CRPPA: variants seen among roughly 807,000 people sequenced by gnomAD.
CRPPA encodes D-ribitol-5-phosphate cytidylyltransferase.
In CRPPA, 43 loss-of-function variants were observed where a neutral mutation model predicts 52.0. The ratio of observed to expected loss-of-function variants is 0.83; its 90% CI spans 0.65 to 1.07. The LOEUF is 1.07. Ranked by LOEUF, CRPPA falls within the 50% of genes least tolerant of loss-of-function variation. CRPPA has a pLI of 0.00. For missense variants in CRPPA, 629 were observed against 551.7 expected (o/e 1.14, Z -1.40); for synonymous variants, 250 against 203.5 (o/e 1.23, Z -1.94).
intron 9 of CRPPA, among the ~76,000 whole-genome samples, chr7:16,139,907 A>G (rs749618119): frequency 6.6e-6 from 1 of 152,134 alleles, no homozygotes; most frequent in Non-Finnish European, 1.5e-5. Context: ...AATCTGCTGC[A>G]AGATGCAGAA....
rs1332223986 is a variant in CRPPA at position 16,088,106 on chromosome 7, G to A, written c.*3589C>T. 1 of 151,882 alleles carries A rather than the reference G, an allele frequency of 6.6e-6. No homozygotes were observed. Among genetic ancestry groups the A allele is most frequent in the Non-Finnish European group, 1.5e-5 (1 of 67,978 alleles). The allele number at this position is 151,882 out of a possible 1,614,324, so 9.4% of individuals were successfully genotyped here. Reference sequence around the variant, plus strand: ...CTTGCAACAAGTCATCTCAAATTGAGCACTTTTATGAAAAAAAATAGGACC... The same window carrying A: ...CTTGCAACAAGTCATCTCAAATTGAACACTTTTATGAAAAAAAATAGGACC... On this transcript the variant is annotated 3_prime_UTR_variant, in exon 10 of 10. Coordinates refer to ENST00000407010, the MANE Select transcript of CRPPA (RefSeq NM_001101426.4).
At chr7:16,222,737 T>A (rs1384418402) in intron 8 of CRPPA, among the ~76,000 whole-genome samples, 2 of 152,284 alleles carry the variant, frequency 1.3e-5, no homozygotes, top group African/African-American at 4.8e-5. Context: ...AGGGCTTTTA[T>A]AGAGACTATT....
Position 16,282,963 on chromosome 7 carries a change from A to G in CRPPA, c.836-4737T>C, listed in dbSNP as rs34468482. 5.6e-3 allele frequency among the ~76,000 whole-genome samples: 856 copies of G among 152,174 alleles called. 6 individuals are homozygous for G. The highest frequency in any genetic ancestry group is 8.6e-3 in the Non-Finnish European group (582 of 67,916). Reference sequence around the variant, plus strand: ...ACATACAAAATCATCATCAATTTCAACTGGTTGCACATCAGAATCAACATA... The same window carrying G: ...ACATACAAAATCATCATCAATTTCAGCTGGTTGCACATCAGAATCAACATA... On this transcript the variant is annotated intron_variant, in intron 5 of 9. Coordinates refer to ENST00000407010, the MANE Select transcript of CRPPA (RefSeq NM_001101426.4).
chr7:16,245,439 G>C (rs1783242961), intron 8 of CRPPA, among the ~76,000 whole-genome samples: 1 of 152,142 alleles, frequency 6.6e-6, no homozygotes, highest in Non-Finnish European at 1.5e-5. Flanking sequence ...GAAGGAAAAA[G>C]GATGAAGCCT....
At chr7:16,329,168 C>G (rs148463098) in intron 3 of CRPPA, among the ~76,000 whole-genome samples, 1 of 152,246 alleles carries the variant, frequency 6.6e-6, no homozygotes, top group East Asian at 1.9e-4. Context: ...ATCCAAGAGG[C>G]AAGTCGGGCT....
intron 9 of CRPPA, among the ~76,000 whole-genome samples, chr7:16,192,259 C>A (rs1781630302): frequency 6.6e-6 from 1 of 152,026 alleles, no homozygotes; most frequent in African/African-American, 2.4e-5. Context: ...TAGTTCACCC[C>A]TTAAGAATAT....
chr7:16,397,446 CAG>C (rs1270531141), intron 2 of CRPPA, among the ~76,000 whole-genome samples: 2 of 152,110 alleles, frequency 1.3e-5, no homozygotes, highest in African/African-American at 4.8e-5. Flanking sequence ...TGTGATGTAA[CAG>C]ACGTGACACG....
chr7:16,276,601 C>T (rs1296184654), intron 6 of CRPPA: 4 of 152,136 alleles, frequency 2.6e-5, no homozygotes, highest in South Asian at 2.1e-4. Flanking sequence ...TTATTCACAT[C>T]GAAGAACTTG....
chr7:16,348,010 C>A (rs1786059010), intron 3 of CRPPA, among the ~76,000 whole-genome samples: 1 of 152,054 alleles, frequency 6.6e-6, no homozygotes, highest in South Asian at 2.1e-4. Flanking sequence ...AAATAGCTCC[C>A]CATTTCTCTC....
chr7:16,115,161 G>A (rs1008818618), intron 9 of CRPPA, among the ~76,000 whole-genome samples: 7 of 152,112 alleles, frequency 4.6e-5, no homozygotes, highest in Admixed American at 2.0e-4. Flanking sequence ...ACTGAAGAGG[G>A]TGGCCCTAAC....
intron 9 of CRPPA, among the ~76,000 whole-genome samples, chr7:16,199,847 G>C (rs1781810783): frequency 6.8e-6 from 1 of 147,874 alleles, no homozygotes. Flanking sequence ...AGATCTGTAA[G>C]CTTTTTCTTT....
At chr7:16,258,095 ACAAC>A (rs932256563) in intron 8 of CRPPA, among the ~76,000 whole-genome samples, 1 of 152,050 alleles carries the variant, frequency 6.6e-6, no homozygotes, top group African/African-American at 2.4e-5. Flanking sequence ...ACATATCCAA[ACAAC>A]CAGTTGACTT....
intron 8 of CRPPA, among the ~76,000 whole-genome samples, chr7:16,232,927 CA>C (rs1198634261): frequency 1.3e-5 from 2 of 152,184 alleles, no homozygotes; most frequent in East Asian, 3.9e-4. Flanking sequence ...AACATTAAAA[CA>C]GTTATTAAAA....
At chr7:16,342,790 T>TACATAG (rs1554335244) in intron 3 of CRPPA, among the ~76,000 whole-genome samples, 2 of 33,524 alleles carry the variant, frequency 6.0e-5, no homozygotes, top group Non-Finnish European at 1.3e-4. Context: ...AAAATATATA[T>TACATAG]ATATATATCT....
intron 9 of CRPPA, among the ~76,000 whole-genome samples, chr7:16,178,498 C>T (rs1239484363): frequency 6.6e-6 from 1 of 152,022 alleles, no homozygotes; most frequent in Non-Finnish European, 1.5e-5. Context: ...TGGGATAAAC[C>T]ATGTTGGTTC....
rs770257307 is a variant in CRPPA, at chr7:16,308,619, G to T, written c.693C>A (p.Asp231Glu). 64 of 1,589,176 alleles carry T rather than the reference G, an allele frequency of 4.0e-5. No homozygotes were observed. In the Admixed American group the frequency reaches 5.6e-4, roughly 14 times the overall value. The change falls in exon 4 of 10, where the codon GAC becomes GAA. Residue 231 changes from aspartate (D) to glutamate (E), a missense_variant. Transcript: ENST00000407010. Reference sequence around the variant, plus strand: ...ACTCAGTTCCAAATTCCAAGTCATAGTCACTACACTGGTGTGGAAACAACA... The same window carrying T: ...ACTCAGTTCCAAATTCCAAGTCATATTCACTACACTGGTGTGGAAACAACA... ...VIYEAYQQCS[D>E]YDLEFGTECL...
rs188708431 is a variant in CRPPA, at chr7:16,328,625, C to T, written c.685-19998G>A. Among the ~76,000 whole-genome samples the T allele has an allele frequency of 5.2e-3, 795 of 152,226 alleles. 6 individuals carry two copies. The highest frequency in any genetic ancestry group is 0.018 in the African/African-American group (731 of 41,534). ...CGCCTCCCAGGTTCAAGCGATTCTC[C>T]TGCCTCAGCCTCCCAAGTAGCTGGG... On this transcript the variant is annotated intron_variant, in intron 3 of 9. Transcript: ENST00000407010.
intron 6 of CRPPA, among the ~76,000 whole-genome samples, chr7:16,263,766 AAAG>A (rs1340516091): frequency 6.6e-6 from 1 of 152,018 alleles, no homozygotes; most frequent in Non-Finnish European, 1.5e-5. Flanking sequence ...TAAAAAAAAA[AAAG>A]AATGTACAAT....
intron 8 of CRPPA, among the ~76,000 whole-genome samples, chr7:16,253,688 C>G (rs555993554): frequency 2.0e-5 from 3 of 152,118 alleles, no homozygotes; most frequent in Middle Eastern, 3.4e-3. Context: ...GCAAAGACTT[C>G]ATGACTAAAA....
Sources: allele counts gnomAD v4.1 joint callset (sites outside exome capture counted in the v4.1 genomes callset), GRCh38; gene constraint gnomAD v4.1.1; transcripts MANE v1.5; gene names NCBI Gene and HGNC (gene_info 2026-07-23, HGNC 2026-07-21).